The following SAMD8 variants were observed in gnomAD, a reference collection of about 807,000 sequenced individuals.
SAMD8 encodes sphingomyelin synthase-related protein 1.
In SAMD8, 20 loss-of-function variants were observed where a neutral mutation model predicts 42.0. The observed-to-expected ratio is 0.48, with a 90% confidence interval of 0.34 to 0.69. The LOEUF (loss-of-function observed/expected upper bound fraction) is 0.69, where lower values mean the gene tolerates loss of function less well. Among genes scored for constraint, SAMD8 ranks in the 30% least tolerant of loss-of-function variants. SAMD8 has a pLI of 0.01. For missense variants in SAMD8, 328 were observed against 511.6 expected, an observed-to-expected ratio of 0.64 and a Z score of 3.46; for synonymous variants, 162 against 173.0, an observed-to-expected ratio of 0.94 and a Z score of 0.50.
At chr10:75,122,279 A>G (rs1368397236) in intron 1 of SAMD8, among the ~76,000 whole-genome samples, 2 of 152,110 alleles carry the variant, frequency 1.3e-5, no homozygotes, top group Admixed American at 6.5e-5. Context: ...ATTTTTTGGG[A>G]CATTGTGCTT....
intron 4 of SAMD8, among the ~76,000 whole-genome samples, chr10:75,169,896 T>C (rs1394609832): frequency 1.3e-5 from 2 of 152,028 alleles, no homozygotes; most frequent in Non-Finnish European, 2.9e-5. Flanking sequence ...GCAACAAGAG[T>C]GAATCTGCAT....
intron 4 of SAMD8, among the ~76,000 whole-genome samples, chr10:75,175,326 A>G (rs1840966960): frequency 6.6e-6 from 1 of 152,128 alleles, no homozygotes; most frequent in Non-Finnish European, 1.5e-5. Flanking sequence ...TTACCAGTGA[A>G]GAAGGGGAGA....
intron 1 of SAMD8, among the ~76,000 whole-genome samples, chr10:75,148,566 G>C (rs1447631632): frequency 6.6e-6 from 1 of 152,044 alleles, no homozygotes; most frequent in East Asian, 1.9e-4. Context: ...TGTTAGCCAG[G>C]ATGGTCTTGA....
chr10:75,121,151 C>T (rs1431288532), intron 1 of SAMD8, among the ~76,000 whole-genome samples: 1 of 152,098 alleles, frequency 6.6e-6, no homozygotes, highest in East Asian at 1.9e-4. Flanking sequence ...TAATTCCATG[C>T]AATCTTCACA....
intron 1 of SAMD8, among the ~76,000 whole-genome samples, chr10:75,137,754 G>A (rs914490272): frequency 1.3e-5 from 2 of 152,138 alleles, no homozygotes; most frequent in Non-Finnish European, 2.9e-5. Flanking sequence ...TAGGTTACAG[G>A]GTTTTTGCTT....
intron 1 of SAMD8, among the ~76,000 whole-genome samples, chr10:75,121,682 C>T (rs1338400201): frequency 1.3e-5 from 2 of 151,964 alleles, no homozygotes; most frequent in Admixed American, 6.6e-5. Flanking sequence ...ATTTAATTGA[C>T]CTTCTTAATT....
intron 1 of SAMD8, among the ~76,000 whole-genome samples, chr10:75,134,464 A>C (rs565950507): frequency 6.6e-6 from 1 of 152,026 alleles, no homozygotes; most frequent in South Asian, 2.1e-4. Flanking sequence ...GTAAAACCCC[A>C]TCTCTACTAA....
Position 75,177,671 on chromosome 10 carries a change from T to C in SAMD8, c.*979T>C, listed in dbSNP as rs763554861. On this transcript the variant is annotated 3_prime_UTR_variant, in exon 6 of 6. Transcript: ENST00000542569. ...CACGCAAAATATAACTTTTTGGTTT[T>C]TGAAATTTATCATTCTTGGCTGTTG... The C allele has an allele frequency of 1.3e-5, 2 of 152,278 alleles. No individual in the cohort carries two copies. The highest frequency in any genetic ancestry group is 2.9e-5 in the Non-Finnish European group (2 of 68,046). The allele number at this position is 152,278 out of a possible 1,614,324, so 9.4% of individuals were successfully genotyped here.
intron 1 of SAMD8, chr10:75,104,039 A>G: frequency 7.3e-7 from 1 of 1,363,556 alleles, no homozygotes; most frequent in Non-Finnish European, 9.8e-7. Flanking sequence ...CAGCACCAGC[A>G]GGATCAGTGC....
intron 1 of SAMD8, among the ~76,000 whole-genome samples, chr10:75,118,797 A>C (rs1848939920): frequency 6.6e-6 from 1 of 152,364 alleles, no homozygotes; most frequent in Non-Finnish European, 1.5e-5. Flanking sequence ...CAGAGTTATT[A>C]ATCACAAAGT....
chr10:75,176,944 T>C lies in SAMD8; in HGVS notation c.*252T>C, dbSNP rs1008865403. The C allele has an allele frequency of 1.3e-5, 5 of 399,646 alleles. No individual in the cohort carries two copies. Among genetic ancestry groups the C allele is most frequent in the African/African-American group, 8.2e-5 (4 of 48,868 alleles). 24.8% of individuals were successfully genotyped at this position (399,646 alleles called of 1,614,324 possible). A position where few individuals can be genotyped will look rare whatever the true frequency, so the allele number is the denominator to read the frequency against. On this transcript the variant is annotated 3_prime_UTR_variant, in exon 6 of 6. Coordinates refer to ENST00000542569, the MANE Select transcript of SAMD8 (RefSeq NM_001174156.2). This position sits in a 1 kb window ranked among gnomAD's most constrained non-coding sequence, Gnocchi z 4.3. ...TCTTTAGGAAGACTTAATGTTGTGA[T>C]TGAAGTCAGGCTGTACCCTTACCTG... is the stretch of plus-strand genomic sequence containing the variant.
chr10:75,163,921 AAAAAC>A (rs1589972420), intron 2 of SAMD8, among the ~76,000 whole-genome samples: 1 of 152,276 alleles, frequency 6.6e-6, no homozygotes, highest in East Asian at 1.9e-4. Context: ...AGGTAAAACA[AAAAAC>A]AAAAACAAGG....
upstream of SAMD8, among the ~76,000 whole-genome samples, chr10:75,109,818 T>TTTTTG (rs59615618): frequency 0.015 from 2,195 of 150,192 alleles, 50 homozygotes; most frequent in African/African-American, 0.05. Flanking sequence ...AAGGTGTTTT[T>TTTTTG]TTTTGTTTTG....
intron 1 of SAMD8, among the ~76,000 whole-genome samples, chr10:75,103,654 C>T (rs1028209834): frequency 2.0e-5 from 3 of 152,252 alleles, no homozygotes; most frequent in African/African-American, 4.8e-5. Context: ...CAGGGCACAC[C>T]CATGCCTGCA....
In SAMD8 at chr10:75,176,903, T is replaced by A; in HGVS notation, c.*211T>A. ...TATTTGAACAGAAAGCTTAAGTAGATGTTTTCTGCCCCTTCTCTTTAGGAA... is the reference window on the plus strand; with the variant it reads ...TATTTGAACAGAAAGCTTAAGTAGAAGTTTTCTGCCCCTTCTCTTTAGGAA... On this transcript the variant is annotated 3_prime_UTR_variant, in exon 6 of 6. Coordinates refer to ENST00000542569, the MANE Select transcript of SAMD8 (RefSeq NM_001174156.2). This position sits in a 1 kb window ranked among gnomAD's most constrained non-coding sequence, Gnocchi z 4.3. 1.2e-5 allele frequency: 6 copies of A among 497,068 alleles called. No individual in the cohort carries two copies. The South Asian group carries it at 1.9e-4, about 16-fold the overall frequency. 30.8% of individuals were successfully genotyped at this position (497,068 alleles called of 1,614,324 possible).
chr10:75,143,456 G>A (rs2134465909), intron 1 of SAMD8, among the ~76,000 whole-genome samples: 1 of 152,256 alleles, frequency 6.6e-6, no homozygotes, highest in East Asian at 1.9e-4. Context: ...AATTTTTGTA[G>A]TGCATGTCTG....
At chr10:75,152,536 G>GA (rs541773032) in intron 2 of SAMD8, among the ~76,000 whole-genome samples, 72 of 130,244 alleles carry the variant, frequency 5.5e-4, no homozygotes, top group East Asian at 6.8e-4. Context: ...AAAAAAAAAA[G>GA]AAAAAAAAAA....
At chr10:75,171,168 T>C (rs1188854381) in intron 4 of SAMD8, among the ~76,000 whole-genome samples, 7 of 120,696 alleles carry the variant, frequency 5.8e-5, no homozygotes, top group African/African-American at 1.1e-4. Flanking sequence ...TTCTTTTTTT[T>C]TTTTTTTTTT....
upstream of SAMD8, among the ~76,000 whole-genome samples, chr10:75,107,301 C>T (rs950460309): frequency 6.6e-6 from 1 of 150,612 alleles, no homozygotes; most frequent in African/African-American, 2.4e-5. Flanking sequence ...GAGCAGAGAT[C>T]GCGCCACTGC....
Sources: gnomAD v4.1 joint callset for allele counts (sites outside exome capture counted in the v4.1 genomes callset) on GRCh38, gnomAD v4.1.1 for gene constraint, Gnocchi (gnomAD v3.1) non-coding constraint, MANE v1.5 for transcripts, NCBI Gene and HGNC (gene_info 2026-07-23, HGNC 2026-07-21) for gene names.